The following UCHL5 variants were observed in gnomAD, a reference collection of about 807,000 sequenced individuals.
UCHL5 encodes ubiquitin carboxyl-terminal hydrolase isozyme L5.
A neutral mutation model predicts 53.8 loss-of-function variants in UCHL5; 34 were observed. The ratio of observed to expected loss-of-function variants is 0.63; its 90% CI spans 0.48 to 0.84. The LOEUF is 0.84. UCHL5 is among the 40% of genes least tolerant of loss of function. UCHL5 has a pLI of 0.00. For synonymous variants in UCHL5, 111 were observed against 126.3 expected, an observed-to-expected ratio of 0.88 and a Z score of 0.81; for missense variants, 290 against 385.6, an observed-to-expected ratio of 0.75 and a Z score of 2.08.
chr1:193,052,486 C>G (rs1050744776), intron 1 of UCHL5, among the ~76,000 whole-genome samples: 1 of 152,176 alleles, frequency 6.6e-6, no homozygotes, highest in African/African-American at 2.4e-5. Context: ...TTGCACAGGA[C>G]AACCCCTGAC....
chr1:193,045,106 T>C (rs1666934934), intron 3 of UCHL5, among the ~76,000 whole-genome samples: 1 of 152,208 alleles, frequency 6.6e-6, no homozygotes, highest in African/African-American at 2.4e-5. Context: ...CAGACATCAT[T>C]AGTATCTTAG....
chr1:193,053,781 G>A (rs1202995938), intron 1 of UCHL5, among the ~76,000 whole-genome samples: 2 of 152,084 alleles, frequency 1.3e-5, no homozygotes, highest in Non-Finnish European at 2.9e-5. Flanking sequence ...TGAGGAGGGG[G>A]GAAGGTTTTA....
chr1:193,059,871 C>T (rs990140768), upstream of UCHL5: 8 of 1,364,672 alleles, frequency 5.9e-6, no homozygotes, highest in African/African-American at 4.4e-5. The surrounding 1 kb of genome is among the most constrained non-coding windows in gnomAD (Gnocchi z 4.9). Flanking sequence ...ACCCGCATCC[C>T]AGGGGTTGAG....
intron 7 of UCHL5, among the ~76,000 whole-genome samples, chr1:193,024,989 G>A (rs1439814244): frequency 6.6e-6 from 1 of 152,082 alleles, no homozygotes; most frequent in African/African-American, 2.4e-5. Flanking sequence ...GAGCAAGCAA[G>A]AACATTCTGA....
chr1:193,059,527 G>A (rs1180862845), upstream of UCHL5: 5 of 1,571,700 alleles, frequency 3.2e-6, no homozygotes, highest in African/African-American at 4.0e-5. The surrounding 1 kb of genome is among the most constrained non-coding windows in gnomAD (Gnocchi z 4.9). Context: ...TGAGAAGAAA[G>A]GGCGGTGATT....
chr1:193,040,664 T>C (rs1665242358), intron 3 of UCHL5, among the ~76,000 whole-genome samples: 1 of 152,122 alleles, frequency 6.6e-6, no homozygotes, highest in Admixed American at 6.5e-5. Flanking sequence ...AGAAGGGAAA[T>C]AAATATATCA....
intron 9 of UCHL5, among the ~76,000 whole-genome samples, chr1:193,022,092 T>C (rs1005888557): frequency 1.3e-5 from 2 of 152,076 alleles, no homozygotes; most frequent in African/African-American, 2.4e-5. Context: ...AGCTATTATT[T>C]TTTCCTTCCC....
intron 7 of UCHL5, among the ~76,000 whole-genome samples, chr1:193,024,910 G>C (rs1198601237): frequency 6.6e-6 from 1 of 152,050 alleles, no homozygotes; most frequent in East Asian, 1.9e-4. Flanking sequence ...CTGATTGTGG[G>C]ACTTCCATGT....
rs555359812 is a variant in UCHL5 at position 193,013,043 on chromosome 1, A to T, written c.*3308T>A. 1 of 152,238 alleles carries T rather than the reference A, an allele frequency of 6.6e-6. No individual in the cohort carries two copies. Among genetic ancestry groups the T allele is most frequent in the Non-Finnish European group, 1.5e-5 (1 of 68,046 alleles). The allele number at this position is 152,238 out of a possible 1,614,324, so 9.4% of individuals were successfully genotyped here. On this transcript the variant is annotated 3_prime_UTR_variant, in exon 11 of 11. Coordinates refer to ENST00000367454, the MANE Select transcript of UCHL5 (RefSeq NM_001199261.3). Reference sequence around the variant, plus strand: ...ATACTACTCTAAAAAACGCAGTATCATTCTAAAAATATAACTATCCAGTTT... The same window carrying T: ...ATACTACTCTAAAAAACGCAGTATCTTTCTAAAAATATAACTATCCAGTTT...
In UCHL5 at chr1:193,041,004, G is replaced by A. The variant is rs552016475; in HGVS notation, c.246+8742C>T. ...GCTGGGAAGGGTGGGGTGGTGAAGA[G>A]GATGAAGGGAGTTTCATTAATAGGT... On this transcript the variant is annotated intron_variant, in intron 3 of 10. Coordinates refer to ENST00000367454, the MANE Select transcript of UCHL5 (RefSeq NM_001199261.3). Among the ~76,000 whole-genome samples the A allele has an allele frequency of 3.3e-5, 5 of 152,254 alleles. No individual in the cohort carries two copies. The East Asian group carries it at 9.6e-4, about 29-fold the overall frequency.
intron 1 of UCHL5, among the ~76,000 whole-genome samples, chr1:193,055,395 T>C (rs1213613569): frequency 3.3e-5 from 5 of 152,188 alleles, no homozygotes; most frequent in Non-Finnish European, 7.4e-5. Context: ...TCACTACTTG[T>C]GCAGCATCCA....
intron 3 of UCHL5, among the ~76,000 whole-genome samples, chr1:193,045,774 G>C (rs564218092): frequency 7.1e-4 from 108 of 152,200 alleles, no homozygotes; most frequent in African/African-American, 2.5e-3. Flanking sequence ...GAGATTACAA[G>C]ACACTTTTAT....
At position 193,034,147 on chromosome 1, in the gene UCHL5, G is replaced by A. The variant is rs191029747; in HGVS notation, c.247-4490C>T. Among the ~76,000 whole-genome samples the A allele has an allele frequency of 2.1e-3, 327 of 152,136 alleles. 2 individuals are homozygous for A. Among genetic ancestry groups the A allele is most frequent in the African/African-American group, 7.6e-3 (314 of 41,536 alleles). On this transcript the variant is annotated intron_variant, in intron 3 of 10. Coordinates refer to ENST00000367454, the MANE Select transcript of UCHL5 (RefSeq NM_001199261.3). ...GAAGGACTGAAGGCGGCTAAAAGGAGAAATAAGATCAGCCAGGTTCCTACC... is the reference window on the plus strand; with the variant it reads ...GAAGGACTGAAGGCGGCTAAAAGGAAAAATAAGATCAGCCAGGTTCCTACC...
At chr1:193,027,660 G>A (rs986147376) in intron 7 of UCHL5, among the ~76,000 whole-genome samples, 38 of 152,100 alleles carry the variant, frequency 2.5e-4, no homozygotes, top group African/African-American at 8.7e-4. Context: ...ACTCCAGCCT[G>A]GGCGACCCAG....
Position 193,028,170 on chromosome 1 carries a change from G to A in UCHL5, c.566-22C>T, listed in dbSNP as rs780043753. 12 of 1,541,886 alleles carry A rather than the reference G, an allele frequency of 7.8e-6. No individual in the cohort carries two copies. In the African/African-American group the frequency reaches 1.4e-4, roughly 18 times the overall value. The stretch of plus-strand genomic sequence containing the variant: ...GCACCTAGAAAGAAATTTTAAAACA[G>A]TTAACACAAATAAAAATAAGAACAA... On this transcript the variant is annotated intron_variant, in intron 6 of 10. Transcript: ENST00000367454.
intron 3 of UCHL5, among the ~76,000 whole-genome samples, chr1:193,040,831 T>G (rs1384548427): frequency 1.3e-5 from 2 of 152,200 alleles, no homozygotes; most frequent in East Asian, 3.8e-4. Context: ...AATGAAATCC[T>G]GTTATTTGGA....
At chr1:193,038,226 G>A (rs1015581768) in intron 3 of UCHL5, among the ~76,000 whole-genome samples, 4 of 152,126 alleles carry the variant, frequency 2.6e-5, no homozygotes, top group African/African-American at 9.7e-5. Context: ...GGAGGCCGAG[G>A]CGGGCAGATT....
intron 9 of UCHL5, among the ~76,000 whole-genome samples, chr1:193,022,253 C>T (rs1657330780): frequency 1.3e-5 from 2 of 152,028 alleles, no homozygotes; most frequent in Admixed American, 1.3e-4. Flanking sequence ...AAGTATGATG[C>T]AAAGTATCTG....
intron 7 of UCHL5, 192 bp downstream of exon 7, chr1:193,027,893 C>T: frequency 6.8e-7 from 1 of 1,473,668 alleles, no homozygotes; most frequent in Middle Eastern, 2.5e-4. Flanking sequence ...GAGGTCGAGG[C>T]AGGCGGATGG....
Sources: allele counts gnomAD v4.1 joint callset (sites outside exome capture counted in the v4.1 genomes callset), GRCh38; gene constraint gnomAD v4.1.1; non-coding constraint Gnocchi (gnomAD v3.1); transcripts MANE v1.5; gene names NCBI Gene and HGNC (gene_info 2026-07-23, HGNC 2026-07-21).